FRMD4B: variants seen among roughly 807,000 people sequenced by gnomAD.
The protein encoded by FRMD4B is FERM domain-containing protein 4B.
Under a neutral mutation model 141.5 loss-of-function variants are expected in FRMD4B, and 74 were observed. The observed-to-expected ratio is 0.52, with a 90% CI of 0.43 to 0.63. The LOEUF is 0.63. Ranked by LOEUF, FRMD4B falls within the 30% of genes least tolerant of loss-of-function variation. The pLI, the probability that FRMD4B is intolerant of heterozygous loss-of-function variation, is 0.00. For missense variants in FRMD4B, 1,366 were observed against 1,253.4 expected (o/e 1.09, Z -1.36); for synonymous variants, 506 against 467.9 (o/e 1.08, Z -1.05).
In FRMD4B at chr3:69,221,862, C is replaced by A; in HGVS notation, c.727G>T (p.Val243Phe). The A allele has an allele frequency of 6.6e-7, 1 of 1,512,362 alleles. No individual in the cohort carries two copies. Among genetic ancestry groups the A allele is most frequent in the Non-Finnish European group, 9.1e-7 (1 of 1,093,066 alleles). The allele number at this position is 1,512,362 out of a possible 1,614,324, so 93.7% of individuals were successfully genotyped here. Reference sequence around the variant, plus strand: ...AGCAAAAGGAAAGATACTTACTGAACCACAGCTTGACCTCGAGTGAGACCT... The same window carrying A: ...AGCAAAAGGAAAGATACTTACTGAAACACAGCTTGACCTCGAGTGAGACCT... Reference protein sequence around the residue: ...IKGLTRGQAVVQYMKIVEALP... With the variant: ...IKGLTRGQAVFQYMKIVEALP... Residue 243 changes from valine (V) to phenylalanine (F), a missense_variant, in exon 9 of 23, where the codon GTT becomes TTT. Val to Phe is a conservative substitution (Grantham distance 50, BLOSUM62 -1). Coordinates refer to ENST00000398540, the MANE Select transcript of FRMD4B (RefSeq NM_015123.3).
At chr3:69,252,955 C>G (rs1220955715) in intron 5 of FRMD4B, among the ~76,000 whole-genome samples, 1 of 152,104 alleles carries the variant, frequency 6.6e-6, no homozygotes, top group East Asian at 1.9e-4. Flanking sequence ...GTATCAAGTC[C>G]TGGTGCCACA....
At chr3:69,364,937 T>A (rs1396339843) in intron 1 of FRMD4B, among the ~76,000 whole-genome samples, 3 of 152,190 alleles carry the variant, frequency 2.0e-5, no homozygotes, top group Non-Finnish European at 4.4e-5. Context: ...TTAGGCCATT[T>A]ACAGAAGAGA....
At chr3:69,441,351 C>A (rs1166665152) in intron 1 of FRMD4B, among the ~76,000 whole-genome samples, 2 of 151,944 alleles carry the variant, frequency 1.3e-5, no homozygotes, top group Non-Finnish European at 2.9e-5. Context: ...ATTTTGGGAC[C>A]CTTGTCCTTG....
chr3:69,326,237 A>T (rs993632706), intron 1 of FRMD4B, among the ~76,000 whole-genome samples: 2 of 151,432 alleles, frequency 1.3e-5, no homozygotes, highest in African/African-American at 4.9e-5. Context: ...GATTATAGGC[A>T]TAAGCCACCA....
chr3:69,280,812 G>T (rs923640729), intron 5 of FRMD4B, among the ~76,000 whole-genome samples: 2 of 151,856 alleles, frequency 1.3e-5, no homozygotes, highest in Non-Finnish European at 2.9e-5. Context: ...TAGAGATGGA[G>T]TTCACTATGT....
chr3:69,473,388 G>A (rs1023313504), intron 1 of FRMD4B, among the ~76,000 whole-genome samples: 3 of 152,188 alleles, frequency 2.0e-5, no homozygotes, highest in East Asian at 3.9e-4. Flanking sequence ...AGGCCAATTC[G>A]ATTTCCAGTC....
rs986146409 is a variant in FRMD4B at position 69,362,592 on chromosome 3, G to A, written c.162+23236C>T. On this transcript the variant is annotated intron_variant, in intron 1 of 22. Transcript: ENST00000398540. The stretch of plus-strand genomic sequence containing the variant: ...CTCAGGAAGCTGAGGCAGGAGAATC[G>A]CTTGAAACTGGAAGGCGGAGGTTGC... 2.6e-5 allele frequency among the ~76,000 whole-genome samples: 4 copies of A among 151,992 alleles called. No homozygotes were observed. In the East Asian group the frequency reaches 5.8e-4, roughly 22 times the overall value.
At chr3:69,213,360 T>C (rs1275665356) in intron 11 of FRMD4B, among the ~76,000 whole-genome samples, 1 of 138,264 alleles carries the variant, frequency 7.2e-6, no homozygotes, top group East Asian at 2.3e-4. Context: ...GAGTATTTCT[T>C]ACTCTGGGTA....
intron 2 of FRMD4B, among the ~76,000 whole-genome samples, chr3:69,401,997 G>A (rs562235335): frequency 5.9e-5 from 9 of 152,322 alleles, no homozygotes; most frequent in South Asian, 2.1e-4. Flanking sequence ...TAGCCTGTGC[G>A]TAGGCAATTC....
chr3:69,177,486 CA>C (rs111914582), intron 21 of FRMD4B, among the ~76,000 whole-genome samples: 5,162 of 152,050 alleles, frequency 0.034, 236 homozygotes, highest in African/African-American at 0.1. Context: ...CCCATCTCTG[CA>C]AAAAATACAA....
chr3:69,460,644 G>A (rs1447604155), intron 1 of FRMD4B, among the ~76,000 whole-genome samples: 1 of 152,130 alleles, frequency 6.6e-6, no homozygotes, highest in Non-Finnish European at 1.5e-5. Flanking sequence ...TATGATCTCT[G>A]TCACAACTAC....
chr3:69,192,382 A>T (rs2092847647), intron 17 of FRMD4B, among the ~76,000 whole-genome samples: 1 of 152,162 alleles, frequency 6.6e-6, no homozygotes, highest in Non-Finnish European at 1.5e-5. Flanking sequence ...TCTCAAAAAG[A>T]CAAAAACAAA....
intron 2 of FRMD4B, among the ~76,000 whole-genome samples, chr3:69,415,667 T>C (rs536072466): frequency 6.6e-6 from 1 of 152,356 alleles, no homozygotes; most frequent in South Asian, 2.1e-4. Context: ...GATAAGTAAC[T>C]TCTTAGAACA....
rs1310513286 is a variant in FRMD4B, at chr3:69,225,723, AAAAAAGAG to A, written c.582-1041_582-1034del. Among the ~76,000 whole-genome samples the A allele has an allele frequency of 1.2e-4, 9 of 76,332 alleles. 1 individual carries two copies. Among genetic ancestry groups the A allele is most frequent in the African/African-American group, 2.0e-4 (5 of 24,560 alleles). The allele number at this position is 76,332 out of a possible 152,430, so 50.1% of individuals were successfully genotyped here. On this transcript the variant is annotated intron_variant, in intron 7 of 22. Transcript: ENST00000398540. ...AAAAAAAAAAAAAAAAAAAAAAAAA[AAAAAAGAG>A]GGAGAACACGTAATACTACCCAGTC...
chr3:69,283,429 C>CAAAAAAAAA (rs59444542), intron 5 of FRMD4B, among the ~76,000 whole-genome samples: 1 of 139,456 alleles, frequency 7.2e-6, no homozygotes, highest in African/African-American at 2.7e-5. Context: ...GCAACAACAA[C>CAAAAAAAAA]AAAAAAAAAA....
chr3:69,369,461 A>G (rs4855394), intron 1 of FRMD4B, among the ~76,000 whole-genome samples: 26,424 of 152,144 alleles, frequency 0.17, 2,549 homozygotes, highest in African/African-American at 0.24. Context: ...TTTAGTATAT[A>G]AGCCTGAAAA....
chr3:69,350,264 T>G lies in FRMD4B; in HGVS notation c.162+35564A>C, dbSNP rs548331678. ...GCCATCAGAGAAATGCAAATCAAAA[T>G]CACAATGAGATACCATCTCACACCA... On this transcript the variant is annotated intron_variant, in intron 1 of 22. Transcript: ENST00000398540. 1.1e-4 allele frequency among the ~76,000 whole-genome samples: 17 copies of G among 152,012 alleles called. 1 individual carries two copies. In the East Asian group the frequency reaches 3.3e-3, roughly 30 times the overall value.
rs954767614 is a variant in FRMD4B, at chr3:69,519,823, C to T, written c.-129+22383G>A. On this transcript the variant is annotated intron_variant, in intron 1 of 5. Transcript: ENST00000459638. Reference sequence around the variant, plus strand: ...CTTTTCCCGAGTCCCCAAAGTCTACCGTATAATTCTTATGCCTTTGCATCC... The same window carrying T: ...CTTTTCCCGAGTCCCCAAAGTCTACTGTATAATTCTTATGCCTTTGCATCC... Among the ~76,000 whole-genome samples, 19 of 151,734 alleles carry T rather than the reference C, an allele frequency of 1.3e-4. No individual in the cohort carries two copies. The South Asian group carries it at 2.1e-3, about 17-fold the overall frequency.
At chr3:69,427,770 C>G (rs1705111769) in intron 2 of FRMD4B, among the ~76,000 whole-genome samples, 3 of 148,194 alleles carry the variant, frequency 2.0e-5, no homozygotes, top group African/African-American at 7.4e-5. Flanking sequence ...ATTCTCCTGC[C>G]TCAGCCTCCC....
Sources: allele counts gnomAD v4.1 joint callset (sites outside exome capture counted in the v4.1 genomes callset), GRCh38; gene constraint gnomAD v4.1.1; transcripts MANE v1.5; gene names NCBI Gene and HGNC (gene_info 2026-07-23, HGNC 2026-07-21).